Variants in CORO2B observed in about 807,000 individuals in gnomAD.
CORO2B encodes coronin-2B.
A neutral mutation model predicts 58.8 loss-of-function variants in CORO2B; 26 were observed. That is an observed-to-expected ratio of 0.44 (90% CI 0.32 to 0.61). The LOEUF is 0.61. Among genes scored for constraint, CORO2B ranks in the 20% least tolerant of loss-of-function variants. The pLI is 0.04. For missense variants in CORO2B, 460 were observed against 645.1 expected, an observed-to-expected ratio of 0.71 and a Z score of 3.11; for synonymous variants, 242 against 253.8, an observed-to-expected ratio of 0.95 and a Z score of 0.44.
intron 1 of CORO2B, among the ~76,000 whole-genome samples, chr15:68,633,171 A>C (rs1001172804): frequency 6.6e-6 from 1 of 152,010 alleles, no homozygotes; most frequent in Non-Finnish European, 1.5e-5. Flanking sequence ...CTGGACAGTC[A>C]TGCAGAATGC....
At position 68,677,072 on chromosome 15, in the gene CORO2B, T is replaced by C. The variant is rs1048201267; in HGVS notation, c.217-18068T>C. Among the ~76,000 whole-genome samples the C allele has an allele frequency of 3.9e-5, 6 of 152,250 alleles. No homozygotes were observed. In the East Asian group the frequency reaches 1.2e-3, roughly 29 times the overall value. On this transcript the variant is annotated intron_variant, in intron 2 of 11. Transcript: ENST00000261861. ...TACAGGCATGAGCCACGGTGCCCAG[T>C]CCAAGACCTGTTTTTGCAGCACTTT... is the stretch of plus-strand genomic sequence containing the variant.
At chr15:68,593,373 C>A (rs1394628227) in intron 1 of CORO2B, among the ~76,000 whole-genome samples, 1 of 152,222 alleles carries the variant, frequency 6.6e-6, no homozygotes. Context: ...TCCTCCCTGT[C>A]CTCCTTCCCC....
At chr15:68,689,766 A>G (rs1360080592) in intron 2 of CORO2B, among the ~76,000 whole-genome samples, 1 of 152,204 alleles carries the variant, frequency 6.6e-6, no homozygotes, top group African/African-American at 2.4e-5. Flanking sequence ...TTCCTTTAGA[A>G]CATTTGGCAG....
intron 2 of CORO2B, among the ~76,000 whole-genome samples, chr15:68,649,747 A>G (rs563462399): frequency 4.6e-5 from 7 of 152,336 alleles, no homozygotes; most frequent in Admixed American, 6.5e-5. Flanking sequence ...TTAAGACAAA[A>G]AAGTTAATGA....
chr15:68,585,254 T>G (rs530957442), intron 1 of CORO2B, among the ~76,000 whole-genome samples: 3 of 152,306 alleles, frequency 2.0e-5, no homozygotes, highest in East Asian at 3.9e-4. Flanking sequence ...CACACCCTGG[T>G]CCCAGAGCTA....
chr15:68,569,052 CT>C, the CORO2B span, among the ~76,000 whole-genome samples: 205 of 152,234 alleles, frequency 1.3e-3, 1 homozygote, highest in East Asian at 0.034. Context: ...ATGCCCCCTG[CT>C]TCCACACACA....
chr15:68,706,932 T>C (rs1334872394), intron 3 of CORO2B, among the ~76,000 whole-genome samples: 6 of 152,060 alleles, frequency 3.9e-5, no homozygotes, highest in Non-Finnish European at 7.4e-5. Flanking sequence ...AGGTTGGTCT[T>C]GAACTCCTGG....
rs1048308662 is a variant in CORO2B at position 68,727,053 on chromosome 15, G to A, written c.*1079G>A. The A allele has an allele frequency of 2.0e-5, 3 of 152,694 alleles. No individual in the cohort carries two copies. Among genetic ancestry groups the A allele is most frequent in the Non-Finnish European group, 2.9e-5 (2 of 68,096 alleles). 9.5% of individuals were successfully genotyped at this position (152,694 alleles called of 1,614,324 possible). ...GAGGCCTCGTCCTCCTGGAAGCTGA[G>A]GCTGAGAAGGGTGGAGCTTGGCCCT... is the stretch of plus-strand genomic sequence containing the variant. On this transcript the variant is annotated 3_prime_UTR_variant, in exon 12 of 12. Transcript: ENST00000261861.
intron 2 of CORO2B, among the ~76,000 whole-genome samples, chr15:68,664,405 T>C (rs1211725535): frequency 1.3e-5 from 2 of 152,192 alleles, no homozygotes; most frequent in East Asian, 3.8e-4. Context: ...CCCAGCACTT[T>C]GGGAGGCCAA....
chr15:68,531,623 GAGAA>G, the CORO2B span, among the ~76,000 whole-genome samples: 7 of 137,164 alleles, frequency 5.1e-5, no homozygotes, highest in African/African-American at 7.9e-5. Flanking sequence ...AGGAGAGAGA[GAGAA>G]AGAAAGAAGG....
chr15:68,657,976 G>A (rs1901871562), intron 2 of CORO2B, among the ~76,000 whole-genome samples: 1 of 152,216 alleles, frequency 6.6e-6, no homozygotes, highest in African/African-American at 2.4e-5. Flanking sequence ...TGGGGAGGGA[G>A]CAATGCAATA....
At chr15:68,703,297 C>T (rs1014739300) in intron 3 of CORO2B, among the ~76,000 whole-genome samples, 4 of 151,482 alleles carry the variant, frequency 2.6e-5, no homozygotes, top group Non-Finnish European at 4.4e-5. Context: ...ATTACAGGCA[C>T]GCGCTACCAC....
At chr15:68,703,751 C>T (rs1221832292) in intron 3 of CORO2B, among the ~76,000 whole-genome samples, 2 of 152,050 alleles carry the variant, frequency 1.3e-5, no homozygotes, top group African/African-American at 4.8e-5. Flanking sequence ...AGTCATGACC[C>T]TCAACATGTC....
chr15:68,569,008 T>TA, the CORO2B span, among the ~76,000 whole-genome samples: 7 of 151,722 alleles, frequency 4.6e-5, no homozygotes, highest in East Asian at 1.9e-4. Flanking sequence ...AAAAAGCACA[T>TA]AAAAAAAAGA....
At chr15:68,709,831 A>T (rs369097056) in intron 3 of CORO2B, among the ~76,000 whole-genome samples, 18 of 152,198 alleles carry the variant, frequency 1.2e-4, no homozygotes, top group African/African-American at 4.3e-4. Flanking sequence ...AAACTGTTAT[A>T]CCATTGTGTC....
chr15:68,715,754 T>A (rs1394900499), intron 8 of CORO2B, among the ~76,000 whole-genome samples: 1 of 152,204 alleles, frequency 6.6e-6, no homozygotes, highest in Non-Finnish European at 1.5e-5. Flanking sequence ...TTCCCGTGAC[T>A]GCAGCCCCAA....
At chr15:68,536,962 G>A in the CORO2B span, among the ~76,000 whole-genome samples, 3 of 152,290 alleles carry the variant, frequency 2.0e-5, no homozygotes, top group East Asian at 3.9e-4. Flanking sequence ...GTGGTGTATC[G>A]AGATTGAAGG....
chr15:68,528,653 T>G, the CORO2B span, among the ~76,000 whole-genome samples: 1 of 151,932 alleles, frequency 6.6e-6, no homozygotes, highest in African/African-American at 2.4e-5. Flanking sequence ...GGTCTCATAA[T>G]GAGTTGGAAT....
chr15:68,643,501 C>A lies in CORO2B; in HGVS notation c.16-1659C>A, dbSNP rs533520556. On this transcript the variant is annotated intron_variant, in intron 1 of 11. Coordinates refer to ENST00000261861, the MANE Select transcript of CORO2B (RefSeq NM_006091.5). The stretch of plus-strand genomic sequence containing the variant: ...AGAGACAGCAAGTGGGACAGGGACA[C>A]AGCATGGGCAAAGGCAGGGAAGTAG... Among the ~76,000 whole-genome samples, 4 of 152,276 alleles carry A rather than the reference C, an allele frequency of 2.6e-5. No individual in the cohort carries two copies. The East Asian group carries it at 7.7e-4, about 29-fold the overall frequency.
Sources: allele counts gnomAD v4.1 joint callset (sites outside exome capture counted in the v4.1 genomes callset), GRCh38; gene constraint gnomAD v4.1.1; transcripts MANE v1.5; gene names NCBI Gene and HGNC (gene_info 2026-07-23, HGNC 2026-07-21).